Variants in GTPBP6 observed in about 807,000 individuals in gnomAD.
GTPBP6 encodes putative GTP-binding protein 6.
In GTPBP6, 33 loss-of-function variants were observed where a neutral mutation model predicts 28.9. That is an observed-to-expected ratio of 1.14 (90% CI 0.87 to 1.53). GTPBP6 has a LOEUF of 1.53. Among genes scored for constraint, GTPBP6 ranks in the 40% most tolerant of loss-of-function variants. The probability of loss-of-function intolerance (pLI) is 0.00; values close to 1 mark genes in which losing one functional copy is unlikely to be tolerated. For missense variants in GTPBP6, 507 were observed against 408.3 expected, an observed-to-expected ratio of 1.24 and a Z score of -2.08; for synonymous variants, 231 against 192.7, an observed-to-expected ratio of 1.20 and a Z score of -1.65.
At chrX:318,781 C>T in exon 1 of GTPBP6, 2 of 306,816 alleles carry the variant, frequency 6.5e-6, no homozygotes, top group Non-Finnish European at 1.2e-5. Flanking sequence ...GCCCGCAGGG[C>T]CCACATGGCG....
At chrX:312,965 G>A in intron 5 of GTPBP6, 41 bp from the exon 6 acceptor site, 1 of 1,579,484 alleles carries the variant, frequency 6.3e-7, no homozygotes, top group Non-Finnish European at 8.6e-7. Context: ...AGCCACGCCG[G>A]GAAAGGCACA....
At position 307,268 on chromosome X, in the gene GTPBP6, C is replaced by A. The variant is rs751704375; in HGVS notation, c.1427+92G>T. The A allele has an allele frequency of 2.7e-5, 32 of 1,197,612 alleles. No individual in the cohort carries two copies. The South Asian group carries it at 3.7e-4, about 14-fold the overall frequency. The allele number at this position is 1,197,612 out of a possible 1,614,324, so 74.2% of individuals were successfully genotyped here. On this transcript the variant is annotated intron_variant, in intron 9 of 9. Transcript: ENST00000326153. The stretch of plus-strand genomic sequence containing the variant: ...CATCCTAAAGCTCTCGGGGATCTCA[C>A]AGCTCCTTGTGCACCCACGAAGAGC...
In GTPBP6 at chrX:304,911, G is replaced by T. The variant is rs2070120855; in HGVS notation, c.*163C>A. 5 of 1,456,152 alleles carry T rather than the reference G, an allele frequency of 3.4e-6. No individual in the cohort carries two copies. In the South Asian group the frequency reaches 5.9e-5, roughly 17 times the overall value. The allele number at this position is 1,456,152 out of a possible 1,614,324, so 90.2% of individuals were successfully genotyped here. The stretch of plus-strand genomic sequence containing the variant: ...TGGGGCAGGTGCGGCCGTGTCACCG[G>T]CCTGCACGGTCATCCCAGCAAATGG... On this transcript the variant is annotated 3_prime_UTR_variant, in exon 10 of 10. Transcript: ENST00000326153.
At chrX:308,377 G>A (rs1329888938) in intron 7 of GTPBP6, among the ~76,000 whole-genome samples, 1 of 152,132 alleles carries the variant, frequency 6.6e-6, no homozygotes, top group East Asian at 1.9e-4. Flanking sequence ...TATACTACCG[G>A]GGTATCCACG....
chrX:312,703 C>T (rs773632578), intron 6 of GTPBP6, 63 bp downstream of exon 6: 84 of 1,507,972 alleles, frequency 5.6e-5, no homozygotes, highest in South Asian at 4.5e-4. Context: ...TGCCCTCCCC[C>T]GGGCGAGTCC....
rs941548854 is a variant in GTPBP6, at chrX:304,765, C to G, written c.*309G>C. The G allele has an allele frequency of 5.7e-6, 7 of 1,236,472 alleles. No homozygotes were observed. The African/African-American group carries it at 7.7e-5, about 14-fold the overall frequency. 76.6% of individuals were successfully genotyped at this position (1,236,472 alleles called of 1,614,324 possible). ...GAAATGCTGCTCACGGAAGTAAAATCAAAGGTTTAATGTCCTGTTACGGAA... is the reference window on the plus strand; with the variant it reads ...GAAATGCTGCTCACGGAAGTAAAATGAAAGGTTTAATGTCCTGTTACGGAA... On this transcript the variant is annotated 3_prime_UTR_variant, in exon 10 of 10. Transcript: ENST00000326153.
intron 4 of GTPBP6, 112 bp from the exon 5 acceptor site, chrX:314,329 A>AGC: frequency 1.1e-6 from 1 of 891,394 alleles, no homozygotes. Context: ...CGAAGGGAGG[A>AGC]GCCGCTGTTG....
chrX:307,340 TGCCCCTGCAGGCCGCTCACCTGAGCTGC>T lies in GTPBP6; in HGVS notation c.1419_1427+19del, dbSNP rs1462914131. 1.2e-6 allele frequency: 2 copies of T among 1,610,098 alleles called. No homozygotes were observed. Among genetic ancestry groups the T allele is most frequent in the South Asian group, 2.2e-5 (2 of 90,954 alleles). ...GCATCCAAAGCACCATCCCGTCTCC[TGCCCCTGCAGGCCGCTCACCTGAGCTGC>T]GCCCCTGCGAGCCTCACACGGAGAG... On this transcript the variant is annotated splice_donor_variant and splice_donor_5th_base_variant and coding_sequence_variant and intron_variant, in exon 9 of 10. Coordinates refer to ENST00000326153, the Ensembl canonical transcript of GTPBP6. LOFTEE classifies it high-confidence loss of function.
At position 314,132 on chromosome X, in the gene GTPBP6, G is replaced by A. The variant is rs757545509; in HGVS notation, c.757+18C>T. 2.2e-5 allele frequency: 36 copies of A among 1,604,124 alleles called. No individual in the cohort carries two copies. Among genetic ancestry groups the A allele is most frequent in the South Asian group, 1.4e-4 (13 of 90,770 alleles). ...CATTCCGAGGACCCTCTGGGACGCC[G>A]CGCCCGGCCCGAGTTACCTGACCCC... is the stretch of plus-strand genomic sequence containing the variant. On this transcript the variant is annotated intron_variant, in intron 5 of 9. Transcript: ENST00000326153.
exon 1 of GTPBP6, chrX:318,728 G>C (rs2070485950): frequency 5.8e-6 from 2 of 345,186 alleles, no homozygotes; most frequent in Admixed American, 4.8e-5. Context: ...GAGCCGAGCG[G>C]CCGCGGCCCA....
At chrX:305,807 T>G (rs373449840) in intron 9 of GTPBP6, among the ~76,000 whole-genome samples, 2,468 of 137,808 alleles carry the variant, frequency 0.018, 101 homozygotes, top group African/African-American at 0.056. Context: ...TGTATTTTTA[T>G]TAGAGACGGG....
chrX:304,963 G>C, exon 10 of GTPBP6: 1 of 1,512,980 alleles, frequency 6.6e-7, no homozygotes, highest in African/African-American at 1.4e-5. Flanking sequence ...TGCAGAACCA[G>C]ACAAGGAGGA....
At chrX:315,575 C>T (rs2065627903) in intron 2 of GTPBP6, among the ~76,000 whole-genome samples, 3 of 147,926 alleles carry the variant, frequency 2.0e-5, no homozygotes, top group Admixed American at 2.0e-4. Context: ...CACACACACA[C>T]ACACACACAC....
At chrX:311,801 C>T in intron 6 of GTPBP6, 174 bp from the exon 7 acceptor site, 1 of 629,066 alleles carries the variant, frequency 1.6e-6, no homozygotes, top group South Asian at 1.8e-5. Context: ...TGGGACAAAG[C>T]CACCGTCGCT....
chrX:312,753 G>C lies in GTPBP6; in HGVS notation c.916+13C>G, dbSNP rs2070336999. 1.0e-5 allele frequency: 16 copies of C among 1,594,880 alleles called. No homozygotes were observed. Among genetic ancestry groups the C allele is most frequent in the Non-Finnish European group, 1.4e-5 (16 of 1,172,556 alleles). On this transcript the variant is annotated intron_variant, in intron 6 of 9. Transcript: ENST00000326153. The stretch of plus-strand genomic sequence containing the variant: ...GAGACCGCGGAAGGCCCCTCCCCTG[G>C]GCGCGTGCTCACCGCAGTTGGTGTA...
In GTPBP6 at chrX:315,410, C is replaced by T. The variant is rs1356012093; in HGVS notation, c.488-111G>A. 2.0e-4 allele frequency: 81 copies of T among 398,560 alleles called. No individual in the cohort carries two copies. In the East Asian group the frequency reaches 2.8e-3, roughly 14 times the overall value. The allele number at this position is 398,560 out of a possible 1,614,324, so 24.7% of individuals were successfully genotyped here. A position where few individuals can be genotyped will look rare whatever the true frequency, so the allele number is the denominator to read the frequency against. On this transcript the variant is annotated intron_variant, in intron 2 of 9. Coordinates refer to ENST00000326153, the Ensembl canonical transcript of GTPBP6. ...CACCGCGGAGAGCTCACTTCACAGGCATCCCCGACTTCCTGAGCACGAGAC... is the reference window on the plus strand; with the variant it reads ...CACCGCGGAGAGCTCACTTCACAGGTATCCCCGACTTCCTGAGCACGAGAC...
intron 6 of GTPBP6, chrX:312,057 G>GGATGGTGTAGACAGAGGAGAGGC (rs1185341367): frequency 4.4e-6 from 2 of 453,314 alleles, no homozygotes; most frequent in African/African-American, 4.0e-5. Context: ...GTTGACAGAA[G>GGATGGTGTAGACAGAGGAGAGGC]GATGGTGTAG....
chrX:305,475 C>G (rs2070140104), intron 9 of GTPBP6, among the ~76,000 whole-genome samples: 1 of 151,762 alleles, frequency 6.6e-6, no homozygotes, highest in South Asian at 2.1e-4. Flanking sequence ...GTGCATGCCA[C>G]CACACCTGGC....
chrX:312,661 C>T (rs763455855), intron 6 of GTPBP6, 105 bp downstream of exon 6: 31 of 1,179,788 alleles, frequency 2.6e-5, no homozygotes, highest in East Asian at 1.4e-4. Context: ...CCGCAGCTGT[C>T]GTACGGCACC....
Sources: allele counts gnomAD v4.1 joint callset (sites outside exome capture counted in the v4.1 genomes callset), GRCh38; gene constraint gnomAD v4.1.1; transcripts MANE v1.5; gene names NCBI Gene and HGNC (gene_info 2026-07-23, HGNC 2026-07-21).